PTPRJ: variants seen among roughly 807,000 people sequenced by gnomAD.
PTPRJ encodes protein tyrosine phosphatase receptor type J, also known as receptor-type tyrosine-protein phosphatase eta.
PTPRJ carries 129 observed loss-of-function variants against 141.3 expected under a neutral mutation model. That is an observed-to-expected ratio of 0.91 (90% CI 0.79 to 1.06). The LOEUF is 1.06. Among genes scored for constraint, PTPRJ ranks in the 50% least tolerant of loss-of-function variants. The probability of loss-of-function intolerance (pLI) is 0.00; values close to 1 mark genes in which losing one functional copy is unlikely to be tolerated. For missense variants in PTPRJ, 1,601 were observed against 1,679.7 expected, an observed-to-expected ratio of 0.95 and a Z score of 0.82; for synonymous variants, 610 against 640.5, an observed-to-expected ratio of 0.95 and a Z score of 0.72.
chr11:48,125,554 A>G (rs1287778366), intron 6 of PTPRJ, among the ~76,000 whole-genome samples: 1 of 152,236 alleles, frequency 6.6e-6, no homozygotes, highest in African/African-American at 2.4e-5. Context: ...GAAAGTTATG[A>G]AAGTGAGTTT....
chr11:48,083,539 T>C (rs988235440), intron 1 of PTPRJ, among the ~76,000 whole-genome samples: 2 of 152,262 alleles, frequency 1.3e-5, no homozygotes, highest in Admixed American at 1.3e-4. Context: ...ACATCCCACA[T>C]GTGCAAATGT....
chr11:48,105,789 C>T (rs1433821479), intron 1 of PTPRJ, among the ~76,000 whole-genome samples: 2 of 152,098 alleles, frequency 1.3e-5, no homozygotes, highest in Non-Finnish European at 2.9e-5. Context: ...GCTGTGCCCA[C>T]TAGGAGGAGG....
chr11:47,980,587 G>A lies in PTPRJ; in HGVS notation c.-326G>A, dbSNP rs1461801611. The A allele has an allele frequency of 1.4e-5, 14 of 982,968 alleles. No homozygotes were observed. Among genetic ancestry groups the A allele is most frequent in the Admixed American group, 6.2e-5 (1 of 16,058 alleles). The allele number at this position is 982,968 out of a possible 1,614,324, so 60.9% of individuals were successfully genotyped here. On this transcript the variant is annotated 5_prime_UTR_variant, in exon 1 of 25. Transcript: ENST00000418331. ...CCCAGCCGCATGACGCGCGGAGGAG[G>A]CAGCGGGAGCAGCCGCGGGAGCCGG... is the stretch of plus-strand genomic sequence containing the variant.
intron 1 of PTPRJ, among the ~76,000 whole-genome samples, chr11:48,036,690 T>C (rs1485763919): frequency 6.6e-6 from 1 of 152,198 alleles, no homozygotes; most frequent in African/African-American, 2.4e-5. Flanking sequence ...ATGAGTTCAC[T>C]GAGAATATGA....
At chr11:48,110,746 TG>T (rs1856416560) in intron 2 of PTPRJ, among the ~76,000 whole-genome samples, 1 of 152,190 alleles carries the variant, frequency 6.6e-6, no homozygotes, top group Non-Finnish European at 1.5e-5. Flanking sequence ...ATTTAAAGAA[TG>T]GGGTGGAAGA....
At chr11:48,037,082 G>A (rs1231688577) in intron 1 of PTPRJ, among the ~76,000 whole-genome samples, 3 of 152,142 alleles carry the variant, frequency 2.0e-5, no homozygotes, top group South Asian at 4.1e-4. Flanking sequence ...ACTGGAAAGC[G>A]TAAAATATAG....
chr11:48,051,314 C>T lies in PTPRJ; in HGVS notation c.97-58744C>T, dbSNP rs1447356998. ...TTTGCCATGCTGCTCAGGCTGGTGT[C>T]GAACTCCTGGGCCCAAGTGATCTGC... is the stretch of plus-strand genomic sequence containing the variant. On this transcript the variant is annotated intron_variant, in intron 1 of 24. Coordinates refer to ENST00000418331, the MANE Select transcript of PTPRJ (RefSeq NM_002843.4). 3.9e-5 allele frequency among the ~76,000 whole-genome samples: 6 copies of T among 151,948 alleles called. No homozygotes were observed. The South Asian group carries it at 6.2e-4, about 16-fold the overall frequency.
At chr11:48,151,012 T>C (rs1307958757) in intron 18 of PTPRJ, among the ~76,000 whole-genome samples, 1 of 152,232 alleles carries the variant, frequency 6.6e-6, no homozygotes, top group Non-Finnish European at 1.5e-5. Context: ...CTTTTTGTAA[T>C]GTTAGTTTTT....
intron 1 of PTPRJ, among the ~76,000 whole-genome samples, chr11:48,103,806 C>T (rs1043134313): frequency 6.6e-6 from 1 of 152,204 alleles, no homozygotes; most frequent in Non-Finnish European, 1.5e-5. Flanking sequence ...TCCAAGTTCA[C>T]CCTCGGCTGT....
chr11:48,165,649 T>C (rs1857899722), intron 24 of PTPRJ, among the ~76,000 whole-genome samples: 1 of 152,120 alleles, frequency 6.6e-6, no homozygotes, highest in African/African-American at 2.4e-5. Context: ...AGCTTGGTGG[T>C]TGTTGTGGAA....
intron 24 of PTPRJ, 97 bp downstream of exon 24, chr11:48,164,612 G>A (rs1857873831): frequency 4.6e-6 from 6 of 1,295,606 alleles, no homozygotes; most frequent in Non-Finnish European, 6.1e-6. Flanking sequence ...TGTCGCCCAG[G>A]CTGGAGTGCA....
intron 1 of PTPRJ, among the ~76,000 whole-genome samples, chr11:48,087,948 G>T (rs941884569): frequency 1.3e-5 from 2 of 152,200 alleles, no homozygotes; most frequent in Admixed American, 1.3e-4. Context: ...CTGCATGTAT[G>T]ATTACAATCC....
At chr11:48,000,392 C>T (rs559258859) in intron 1 of PTPRJ, among the ~76,000 whole-genome samples, 6 of 151,190 alleles carry the variant, frequency 4.0e-5, no homozygotes, top group Admixed American at 2.0e-4. Context: ...ACGATCCTCC[C>T]GTCTTGGCCT....
chr11:48,144,934 A>G (rs1857316302), intron 13 of PTPRJ, 49 bp downstream of exon 13: 1 of 1,613,918 alleles, frequency 6.2e-7, no homozygotes, highest in East Asian at 2.2e-5. Context: ...TCATGAGCAT[A>G]AAGCTCTACA....
intron 1 of PTPRJ, among the ~76,000 whole-genome samples, chr11:47,995,573 GT>G (rs1340998492): frequency 6.6e-6 from 1 of 152,184 alleles, no homozygotes; most frequent in Non-Finnish European, 1.5e-5. Flanking sequence ...GAGTATCTTT[GT>G]CTTGGATTTT....
intron 8 of PTPRJ, among the ~76,000 whole-genome samples, chr11:48,133,312 G>C (rs923625148): frequency 1.3e-5 from 2 of 151,920 alleles, no homozygotes; most frequent in African/African-American, 2.4e-5. Context: ...GTGAGGAGAG[G>C]GCATCTCTTT....
chr11:48,131,527 GC>G, intron 8 of PTPRJ: 1 of 775,722 alleles, frequency 1.3e-6, no homozygotes, highest in South Asian at 1.4e-5. Context: ...TTGAACACCT[GC>G]CTGGAATTCC....
intron 10 of PTPRJ, among the ~76,000 whole-genome samples, chr11:48,138,817 GC>G (rs1857163993): frequency 6.6e-6 from 1 of 152,138 alleles, no homozygotes. Flanking sequence ...GACAGTATAG[GC>G]CTCACCTGTC....
chr11:48,094,366 C>T (rs1043607049), intron 1 of PTPRJ, among the ~76,000 whole-genome samples: 5 of 152,196 alleles, frequency 3.3e-5, no homozygotes, highest in African/African-American at 1.2e-4. Flanking sequence ...TTTTGTCAAG[C>T]TAACCAAGTA....
Sources: gnomAD v4.1 joint callset for allele counts (sites outside exome capture counted in the v4.1 genomes callset) on GRCh38, gnomAD v4.1.1 for gene constraint, MANE v1.5 for transcripts, NCBI Gene and HGNC (gene_info 2026-07-23, HGNC 2026-07-21) for gene names.